Variants in LRFN5 observed in about 807,000 individuals in gnomAD.
The protein encoded by LRFN5 is leucine rich repeat and fibronectin type III domain containing 5.
LRFN5 carries 24 observed loss-of-function variants against 45.6 expected under a neutral mutation model. That is an observed-to-expected ratio of 0.53 (90% CI 0.38 to 0.74). The LOEUF (loss-of-function observed/expected upper bound fraction) is 0.74. LRFN5 is among the 30% of genes least tolerant of loss of function. The probability of loss-of-function intolerance (pLI) is 0.00; values close to 1 mark genes in which losing one functional copy is unlikely to be tolerated. For missense variants in LRFN5, 776 were observed against 861.5 expected (o/e 0.90, Z 1.24); for synonymous variants, 340 against 313.8 (o/e 1.08, Z -0.88).
chr14:41,852,222 T>G, intron 2 of LRFN5, among the ~76,000 whole-genome samples: 1 of 151,950 alleles, frequency 6.6e-6, no homozygotes, highest in Non-Finnish European at 1.5e-5. Context: ...TCAAATTATG[T>G]TAATTCACTC....
chr14:41,894,722 G>A (rs1890885330), intron 4 of LRFN5: 1 of 984,968 alleles, frequency 1.0e-6, no homozygotes. Context: ...TTAGATGAAT[G>A]AATGAGTAAA....
rs1317251440 is a variant in LRFN5, at chr14:41,887,628, C to G, written c.1003C>G (p.Leu335Val). The change falls in exon 3 of 6, where the codon CTG becomes GTG. Residue 335 changes from leucine to valine, a missense_variant. Leu to Val is a conservative substitution (Grantham distance 32). Transcript: ENST00000298119. This position sits in a 1 kb window ranked among gnomAD's most constrained non-coding sequence, Gnocchi z 4.8. ...GCTTATTTCAAATGCAACAAGATCT[C>G]TGGTGTATGATAACGGAACACTTGA... ...GKLISNATRS[L>V]VYDNGTLDIL... 2 of 1,614,060 alleles carry G rather than the reference C, an allele frequency of 1.2e-6. No individual in the cohort carries two copies. The highest frequency in any genetic ancestry group is 8.5e-7 in the Non-Finnish European group (1 of 1,180,058).
intron 2 of LRFN5, among the ~76,000 whole-genome samples, chr14:41,836,976 C>T (rs1232640409): frequency 6.6e-6 from 1 of 151,834 alleles, no homozygotes; most frequent in Non-Finnish European, 1.5e-5. Context: ...TTTCTTTGAG[C>T]CTAGTGGTTA....
intron 1 of LRFN5, among the ~76,000 whole-genome samples, chr14:41,678,498 C>T (rs1395917569): frequency 6.6e-6 from 1 of 151,972 alleles, no homozygotes; most frequent in Non-Finnish European, 1.5e-5. Context: ...AATAAAAGAT[C>T]AACAAAGGAA....
intron 2 of LRFN5, among the ~76,000 whole-genome samples, chr14:41,876,375 G>T (rs1354856512): frequency 7.0e-6 from 1 of 143,738 alleles, no homozygotes; most frequent in Non-Finnish European, 1.5e-5. Flanking sequence ...CCGCCTCCCG[G>T]GTTCACGCCC....
chr14:41,696,930 G>A (rs1412537821), intron 1 of LRFN5, among the ~76,000 whole-genome samples: 1 of 151,906 alleles, frequency 6.6e-6, no homozygotes, highest in Admixed American at 6.6e-5. Flanking sequence ...CTAATGACAT[G>A]CCTACCTTGA....
chr14:41,765,750 GATAA>G (rs1885859928), intron 1 of LRFN5, among the ~76,000 whole-genome samples: 1 of 152,112 alleles, frequency 6.6e-6, no homozygotes, highest in Admixed American at 6.5e-5. Flanking sequence ...GACAGATTCA[GATAA>G]ATAATTGAAA....
rs555500578 is a variant in LRFN5 at position 41,816,920 on chromosome 14, T to A, written c.-21+49891T>A. ...TCCTGTGACACACATGTTATACCATTTGTAATTATTTCTCAGTTTGGGGTT... is the reference window on the plus strand; with the variant it reads ...TCCTGTGACACACATGTTATACCATATGTAATTATTTCTCAGTTTGGGGTT... On this transcript the variant is annotated intron_variant, in intron 2 of 5. Transcript: ENST00000298119. Among the ~76,000 whole-genome samples the A allele has an allele frequency of 2.0e-5, 3 of 152,074 alleles. No individual in the cohort carries two copies. The East Asian group carries it at 5.8e-4, about 29-fold the overall frequency.
intron 1 of LRFN5, among the ~76,000 whole-genome samples, chr14:41,736,957 T>C (rs1884463754): frequency 3.3e-5 from 5 of 151,872 alleles, no homozygotes; most frequent in Admixed American, 3.3e-4. Flanking sequence ...CTGAAACTAT[T>C]CCAAACAATA....
chr14:41,884,673 C>T (rs982342049), intron 2 of LRFN5, among the ~76,000 whole-genome samples: 2 of 152,072 alleles, frequency 1.3e-5, no homozygotes, highest in Non-Finnish European at 2.9e-5. Flanking sequence ...CTCCCCTTAA[C>T]GATCTCCACC....
chr14:41,643,633 A>G (rs2138603181), intron 1 of LRFN5, among the ~76,000 whole-genome samples: 1 of 152,112 alleles, frequency 6.6e-6, no homozygotes, highest in South Asian at 2.1e-4. Context: ...TTTCACATTC[A>G]TCTATAAACT....
rs1010025405 is a variant in LRFN5, at chr14:41,608,114, G to GC, written c.-642dup. The GC allele has an allele frequency of 7.1e-4, 109 of 152,458 alleles. No individual in the cohort carries two copies. Among genetic ancestry groups the GC allele is most frequent in the African/African-American group, 2.3e-3 (95 of 41,564 alleles). 9.4% of individuals were successfully genotyped at this position (152,458 alleles called of 1,614,324 possible). Reference sequence around the variant, plus strand: ...GCTATGCGAGAACGCTCTCTTTGCTGCCCGCGGTCCGGTGGGCTTCGAAGC... The same window carrying GC: ...GCTATGCGAGAACGCTCTCTTTGCTGCCCCGCGGTCCGGTGGGCTTCGAAGC... On this transcript the variant is annotated 5_prime_UTR_variant, in exon 1 of 6. An upstream open reading frame in the 5' UTR loses its in-frame stop. Coordinates refer to ENST00000298119, the MANE Select transcript of LRFN5 (RefSeq NM_152447.5).
chr14:41,670,172 T>C lies in LRFN5; in HGVS notation c.-197+61610T>C, dbSNP rs149342230. Among the ~76,000 whole-genome samples, 1,233 of 143,914 alleles carry C rather than the reference T, an allele frequency of 8.6e-3. 4 individuals are homozygous for C. Among genetic ancestry groups the C allele is most frequent in the East Asian group, 0.017 (84 of 4,938 alleles). The allele number at this position is 143,914 out of a possible 152,430, so 94.4% of individuals were successfully genotyped here. A position where few individuals can be genotyped will look rare whatever the true frequency, so the allele number is the denominator to read the frequency against. ...TGTATATATATACATTCTGTGTATA[T>C]ATACACATTCTCTATATATATATAC... is the stretch of plus-strand genomic sequence containing the variant. On this transcript the variant is annotated intron_variant, in intron 1 of 5. Coordinates refer to ENST00000298119, the MANE Select transcript of LRFN5 (RefSeq NM_152447.5).
At chr14:41,770,968 A>T (rs988287479) in intron 2 of LRFN5, among the ~76,000 whole-genome samples, 1 of 151,814 alleles carries the variant, frequency 6.6e-6, no homozygotes, top group Non-Finnish European at 1.5e-5. Flanking sequence ...TCTGAAATCT[A>T]GGTGGTAGCC....
chr14:41,689,922 AC>A (rs963464723), intron 1 of LRFN5, among the ~76,000 whole-genome samples: 1 of 148,628 alleles, frequency 6.7e-6, no homozygotes, highest in Non-Finnish European at 1.5e-5. Context: ...AAAAAAAATT[AC>A]CCACCAAAAA....
chr14:41,677,864 T>C (rs1783554649), intron 1 of LRFN5, among the ~76,000 whole-genome samples: 1 of 151,972 alleles, frequency 6.6e-6, no homozygotes, highest in Non-Finnish European at 1.5e-5. Context: ...TTTTAAAAAA[T>C]CAGTCTACAA....
At chr14:41,885,135 G>T (rs1164821733) in intron 2 of LRFN5, among the ~76,000 whole-genome samples, 1 of 142,670 alleles carries the variant, frequency 7.0e-6, no homozygotes, top group Non-Finnish European at 1.5e-5. Context: ...CTGAGTCCAG[G>T]AGTTTGAGCC....
intron 4 of LRFN5, chr14:41,894,976 A>G: frequency 2.1e-6 from 2 of 975,216 alleles, no homozygotes; most frequent in Non-Finnish European, 2.4e-6. Flanking sequence ...ATACATATAT[A>G]TTATTTTTGC....
intron 2 of LRFN5, among the ~76,000 whole-genome samples, chr14:41,830,705 T>TC (rs1166601411): frequency 3.3e-5 from 5 of 152,168 alleles, no homozygotes; most frequent in Non-Finnish European, 7.4e-5. Context: ...AAGCTGGGGA[T>TC]GCTGACTTGC....
Sources: gnomAD v4.1 joint callset for allele counts (sites outside exome capture counted in the v4.1 genomes callset) on GRCh38, gnomAD v4.1.1 for gene constraint, Gnocchi (gnomAD v3.1) non-coding constraint, MANE v1.5 for transcripts, NCBI Gene and HGNC (gene_info 2026-07-23, HGNC 2026-07-21) for gene names.